RIMBP2: variants seen among roughly 807,000 people sequenced by gnomAD.
The protein encoded by RIMBP2 is RIMS-binding protein 2.
In RIMBP2, 48 loss-of-function variants were observed where a neutral mutation model predicts 118.6. The ratio of observed to expected loss-of-function variants is 0.40; its 90% CI spans 0.32 to 0.51. The LOEUF is 0.51. RIMBP2 is among the 20% of genes least tolerant of loss of function. RIMBP2 has a pLI of 0.41. For synonymous variants in RIMBP2, 762 were observed against 742.9 expected, an observed-to-expected ratio of 1.03 and a Z score of -0.42; for missense variants, 1,551 against 1,768.3, an observed-to-expected ratio of 0.88 and a Z score of 2.20.
At chr12:130,657,816 G>A (rs1044987734) in intron 1 of RIMBP2, 5 of 152,300 alleles carry the variant, frequency 3.3e-5, no homozygotes, top group East Asian at 1.9e-4. Context: ...ATTTTATCTC[G>A]TTTCAGTGTG....
chr12:130,685,474 G>T (rs1010002231), intron 1 of RIMBP2, among the ~76,000 whole-genome samples: 11 of 152,190 alleles, frequency 7.2e-5, no homozygotes, highest in Non-Finnish European at 1.6e-4. Context: ...GACTGGGCAG[G>T]CGCCGTTGCC....
intron 2 of RIMBP2, among the ~76,000 whole-genome samples, chr12:130,607,326 G>C (rs1268976619): frequency 6.6e-6 from 1 of 152,110 alleles, no homozygotes; most frequent in Non-Finnish European, 1.5e-5. Context: ...CAGGCGGGGA[G>C]AAAGGGCCCT....
Position 130,442,670 on chromosome 12 carries a change from A to C in RIMBP2, c.692-10T>G. The C allele has an allele frequency of 6.2e-7, 1 of 1,609,364 alleles. No individual in the cohort carries two copies. Among genetic ancestry groups the C allele is most frequent in the Admixed American group, 1.7e-5 (1 of 59,858 alleles). ...CCATCGAGGAGCTCTCCTGTTGGGT[A>C]CAAGGACAGAGTTATCACCCAGCCA... On this transcript the variant is annotated splice_polypyrimidine_tract_variant and intron_variant, in intron 10 of 22. Coordinates refer to ENST00000690449, the MANE Select transcript of RIMBP2 (RefSeq NM_001393629.1). The surrounding 1 kb of genome is among the most constrained non-coding windows in gnomAD (Gnocchi z 6.9).
rs1464915584 is a variant in RIMBP2 at position 130,442,116 on chromosome 12, G to A, written c.1236C>T (p.Ser412=). 3 of 1,614,178 alleles carry A rather than the reference G, an allele frequency of 1.9e-6. No individual in the cohort carries two copies. The highest frequency in any genetic ancestry group is 2.5e-6 in the Non-Finnish European group (3 of 1,180,022). ...LVGKDVVVAP[S]HLRVDNITQI... is the part of the protein sequence containing the mutation. ...GCGTGATGTTGTCCACCCGCAGGTG[G>A]GAGGGGGCCACCACCACGTCCTTGC... The change falls in exon 11 of 23, where the codon TCC becomes TCT. Residue 412 remains serine (S), a synonymous_variant. Transcript: ENST00000690449. This position sits in a 1 kb window ranked among gnomAD's most constrained non-coding sequence, Gnocchi z 6.9.
In RIMBP2 at chr12:130,664,407, G is replaced by A. The variant is rs11833644; in HGVS notation, c.-351-35951C>T. On this transcript the variant is annotated intron_variant, in intron 1 of 22. Coordinates refer to ENST00000690449, the MANE Select transcript of RIMBP2 (RefSeq NM_001393629.1). Reference sequence around the variant, plus strand: ...CGCGCATGCACACACACGCACGCACGCACGCACACACACGCACACACATGC... The same window carrying A: ...CGCGCATGCACACACACGCACGCACACACGCACACACACGCACACACATGC... 9.1e-4 allele frequency among the ~76,000 whole-genome samples: 78 copies of A among 86,106 alleles called. 4 individuals carry two copies. The highest frequency in any genetic ancestry group is 2.3e-3 in the African/African-American group (59 of 25,174). The allele number at this position is 86,106 out of a possible 152,430, so 56.5% of individuals were successfully genotyped here. A position where few individuals can be genotyped will look rare whatever the true frequency, so the allele number is the denominator to read the frequency against.
At chr12:130,630,112 A>G (rs1269393132) in intron 1 of RIMBP2, among the ~76,000 whole-genome samples, 1 of 152,034 alleles carries the variant, frequency 6.6e-6, no homozygotes, top group Non-Finnish European at 1.5e-5. Context: ...TGAAATAAAA[A>G]TTTTAATGGC....
chr12:130,640,957 G>A (rs966801278), intron 1 of RIMBP2, among the ~76,000 whole-genome samples: 18 of 152,188 alleles, frequency 1.2e-4, no homozygotes, highest in Admixed American at 3.3e-4. Context: ...TACTGGGAAC[G>A]CCATCAACCA....
At chr12:130,408,182 C>T (rs60119771) in intron 19 of RIMBP2, among the ~76,000 whole-genome samples, 3,052 of 152,286 alleles carry the variant, frequency 0.02, 118 homozygotes, top group African/African-American at 0.07. Context: ...GCTTGGGAGG[C>T]CCTGCAGAGT....
rs140498446 is a variant in RIMBP2, at chr12:130,483,486, T to C, written c.-3-4470A>G. Reference sequence around the variant, plus strand: ...TTTTACTTTTTATAAACAAAGGGGATGGGAGCTGCAGTCCTGCTGGGGGCT... The same window carrying C: ...TTTTACTTTTTATAAACAAAGGGGACGGGAGCTGCAGTCCTGCTGGGGGCT... On this transcript the variant is annotated intron_variant, in intron 4 of 22. Coordinates refer to ENST00000690449, the MANE Select transcript of RIMBP2 (RefSeq NM_001393629.1). Among the ~76,000 whole-genome samples the C allele has an allele frequency of 2.9e-3, 444 of 152,300 alleles. 1 individual carries two copies. The highest frequency in any genetic ancestry group is 0.01 in the African/African-American group (424 of 41,572).
chr12:130,467,244 T>C (rs936475579), intron 6 of RIMBP2, among the ~76,000 whole-genome samples: 1 of 152,264 alleles, frequency 6.6e-6, no homozygotes, highest in Non-Finnish European at 1.5e-5. Context: ...CACAAGACTA[T>C]AAATTATTGT....
intron 2 of RIMBP2, among the ~76,000 whole-genome samples, chr12:130,611,527 G>A (rs950772730): frequency 6.6e-6 from 1 of 152,216 alleles, no homozygotes; most frequent in East Asian, 1.9e-4. Context: ...CGCTGCAGGT[G>A]TAAGTGGCAG....
chr12:130,488,198 G>A (rs2082639705), intron 4 of RIMBP2, among the ~76,000 whole-genome samples: 4 of 152,104 alleles, frequency 2.6e-5, no homozygotes, highest in Admixed American at 2.6e-4. Context: ...TCAAAACTGT[G>A]AACCAGAGAC....
intron 10 of RIMBP2, among the ~76,000 whole-genome samples, chr12:130,444,554 T>TG (rs778607443): frequency 1.6e-4 from 25 of 152,334 alleles, no homozygotes; most frequent in Non-Finnish European, 3.2e-4. Context: ...CGTTGATTTA[T>TG]GGGCTGCTGG....
intron 1 of RIMBP2, among the ~76,000 whole-genome samples, chr12:130,704,232 C>T (rs114108728): frequency 0.033 from 4,992 of 152,060 alleles, 285 homozygotes; most frequent in African/African-American, 0.11. Flanking sequence ...ACTCAACCCG[C>T]GTCCCAAAGC....
At chr12:130,521,259 T>G (rs1566188227) in intron 2 of RIMBP2, among the ~76,000 whole-genome samples, 1 of 152,184 alleles carries the variant, frequency 6.6e-6, no homozygotes, top group Non-Finnish European at 1.5e-5. Context: ...TGAAGAAATT[T>G]TGCAGGAATA....
chr12:130,494,406 A>G (rs964590863), intron 4 of RIMBP2, among the ~76,000 whole-genome samples: 1 of 152,150 alleles, frequency 6.6e-6, no homozygotes, highest in African/African-American at 2.4e-5. Flanking sequence ...TAGGAGGCCA[A>G]GGCAGGCAGA....
intron 1 of RIMBP2, among the ~76,000 whole-genome samples, chr12:130,666,427 T>C (rs887960072): frequency 5.3e-5 from 8 of 152,282 alleles, no homozygotes; most frequent in Admixed American, 2.0e-4. Flanking sequence ...TTTATCCTAA[T>C]GCTCAAAAAA....
chr12:130,516,867 A>G (rs2051519254), intron 3 of RIMBP2, among the ~76,000 whole-genome samples: 1 of 152,168 alleles, frequency 6.6e-6, no homozygotes, highest in Admixed American at 6.5e-5. Context: ...CATAGGGAAA[A>G]GACCACAGGA....
intron 19 of RIMBP2, among the ~76,000 whole-genome samples, chr12:130,410,651 C>G (rs1402510948): frequency 6.6e-6 from 1 of 152,136 alleles, no homozygotes; most frequent in Non-Finnish European, 1.5e-5. Context: ...TTACCTTTGT[C>G]CAAAATCAGT....
Sources: allele counts gnomAD v4.1 joint callset (sites outside exome capture counted in the v4.1 genomes callset), GRCh38; gene constraint gnomAD v4.1.1; non-coding constraint Gnocchi (gnomAD v3.1); transcripts MANE v1.5; gene names NCBI Gene and HGNC (gene_info 2026-07-23, HGNC 2026-07-21).